Variants in ROBO1 observed in about 807,000 individuals in gnomAD.
ROBO1 encodes roundabout homolog 1.
ROBO1 carries 149 observed loss-of-function variants against 195.9 expected under a neutral mutation model. That is an observed-to-expected ratio of 0.76 (90% CI 0.67 to 0.87). ROBO1 has a LOEUF of 0.87. Ranked by LOEUF, ROBO1 falls within the 40% of genes least tolerant of loss-of-function variation. The probability of loss-of-function intolerance (pLI) is 0.00; values close to 1 mark genes in which losing one functional copy is unlikely to be tolerated. For missense variants in ROBO1, 1,933 were observed against 2,068.3 expected, an observed-to-expected ratio of 0.93 and a Z score of 1.27; for synonymous variants, 816 against 733.2, an observed-to-expected ratio of 1.11 and a Z score of -1.82.
intron 1 of ROBO1, among the ~76,000 whole-genome samples, chr3:79,616,910 C>G (rs758021756): frequency 1.3e-5 from 2 of 152,164 alleles, no homozygotes; most frequent in Non-Finnish European, 2.9e-5. Context: ...GGACTGCAGA[C>G]CAGCCACAGA....
chr3:79,074,796 A>G (rs1242784487), intron 3 of ROBO1, among the ~76,000 whole-genome samples: 4 of 151,776 alleles, frequency 2.6e-5, no homozygotes, highest in Admixed American at 6.6e-5. Flanking sequence ...TGTTTGGACT[A>G]AAAAATGTGT....
intron 4 of ROBO1, among the ~76,000 whole-genome samples, chr3:78,815,121 C>T (rs1202033640): frequency 1.3e-5 from 2 of 152,052 alleles, no homozygotes; most frequent in Admixed American, 6.6e-5. Flanking sequence ...TCTCCTTGGG[C>T]CTTCCTATTC....
At chr3:79,398,683 A>G (rs1156974183) in intron 2 of ROBO1, among the ~76,000 whole-genome samples, 1 of 152,142 alleles carries the variant, frequency 6.6e-6, no homozygotes, top group African/African-American at 2.4e-5. Context: ...GCAGTACATA[A>G]AGCTTCCCTG....
intron 21 of ROBO1, 68 bp from the exon 22 acceptor site, chr3:78,639,966 C>T: frequency 8.1e-7 from 1 of 1,230,018 alleles, no homozygotes; most frequent in Non-Finnish European, 1.1e-6. Context: ...ATTTAAAATT[C>T]CAATAAATTC....
intron 10 of ROBO1, among the ~76,000 whole-genome samples, chr3:78,677,596 A>G (rs202144963): frequency 6.6e-5 from 10 of 151,748 alleles, no homozygotes; most frequent in East Asian, 3.9e-4. Flanking sequence ...CATAATGGTA[A>G]AGGGATCAAT....
intron 29 of ROBO1, among the ~76,000 whole-genome samples, chr3:78,602,623 C>A (rs550482546): frequency 1.3e-5 from 2 of 152,076 alleles, no homozygotes; most frequent in Non-Finnish European, 2.9e-5. Flanking sequence ...GTATGCTTTG[C>A]GTGCTGATAT....
intron 4 of ROBO1, among the ~76,000 whole-genome samples, chr3:78,862,468 C>T (rs946727127): frequency 8.5e-5 from 13 of 152,274 alleles, no homozygotes; most frequent in African/African-American, 2.9e-4. Flanking sequence ...AAACACCCAG[C>T]TGAACCCGCT....
intron 2 of ROBO1, among the ~76,000 whole-genome samples, chr3:79,562,089 C>T (rs1436531899): frequency 6.6e-6 from 1 of 152,088 alleles, no homozygotes; most frequent in East Asian, 1.9e-4. Context: ...AGCAATTAAT[C>T]TTACTTTTTG....
chr3:79,627,820 T>G (rs973316926), intron 1 of ROBO1, among the ~76,000 whole-genome samples: 2 of 151,802 alleles, frequency 1.3e-5, no homozygotes, highest in African/African-American at 4.8e-5. Context: ...AGCAACCCCA[T>G]CAAAAAATGG....
intron 3 of ROBO1, among the ~76,000 whole-genome samples, chr3:79,020,417 C>A (rs921526889): frequency 1.3e-5 from 2 of 152,198 alleles, no homozygotes; most frequent in South Asian, 4.1e-4. Flanking sequence ...AGTGGCCAGG[C>A]GCTGTGGCTC....
Position 78,996,451 on chromosome 3 carries a change from G to T in ROBO1, c.173-57524C>A, listed in dbSNP as rs112264121. On this transcript the variant is annotated intron_variant, in intron 3 of 30. Transcript: ENST00000464233. ...AAACCTTTGTACTTATTTTACCCAT[G>T]AATTTCTGCATTTATTCTATCTAAC... Among the ~76,000 whole-genome samples, 687 of 151,854 alleles carry T rather than the reference G, an allele frequency of 4.5e-3. 9 individuals carry two copies. The highest frequency in any genetic ancestry group is 0.016 in the African/African-American group (642 of 41,384).
intron 5 of ROBO1, among the ~76,000 whole-genome samples, chr3:78,721,806 G>A (rs1332073818): frequency 6.6e-6 from 1 of 152,148 alleles, no homozygotes; most frequent in Non-Finnish European, 1.5e-5. Context: ...ACTTGGGAAT[G>A]TAGAGTTTTA....
chr3:78,694,049 T>C (rs997435072), intron 8 of ROBO1, among the ~76,000 whole-genome samples: 1 of 152,204 alleles, frequency 6.6e-6, no homozygotes, highest in East Asian at 1.9e-4. Context: ...TTAATTGAGA[T>C]GGTGCATAGA....
chr3:78,849,562 G>A (rs971794300), intron 4 of ROBO1, among the ~76,000 whole-genome samples: 1 of 151,950 alleles, frequency 6.6e-6, no homozygotes. Flanking sequence ...ACTAAGAAAA[G>A]TTGAAAATAA....
chr3:78,946,533 G>A (rs2040455983), intron 3 of ROBO1, among the ~76,000 whole-genome samples: 1 of 152,140 alleles, frequency 6.6e-6, no homozygotes, highest in Non-Finnish European at 1.5e-5. Flanking sequence ...CACTAAATGT[G>A]GAAAGGAACA....
intron 1 of ROBO1, among the ~76,000 whole-genome samples, chr3:79,764,416 A>C (rs1704874892): frequency 6.6e-6 from 1 of 152,248 alleles, no homozygotes; most frequent in Non-Finnish European, 1.5e-5. Flanking sequence ...TCTCAGAAAG[A>C]GGAAAATCAG....
intron 1 of ROBO1, among the ~76,000 whole-genome samples, chr3:79,590,229 G>T (rs1197865095): frequency 2.0e-5 from 3 of 151,708 alleles, no homozygotes; most frequent in African/African-American, 7.2e-5. Flanking sequence ...ATTTTTTAGA[G>T]GATGCCAGAT....
At chr3:79,557,139 T>A (rs927096215) in intron 2 of ROBO1, among the ~76,000 whole-genome samples, 1 of 151,866 alleles carries the variant, frequency 6.6e-6, no homozygotes, top group Admixed American at 6.6e-5. Context: ...TAAGCCATTT[T>A]ATTTTGTGTT....
intron 3 of ROBO1, among the ~76,000 whole-genome samples, chr3:79,106,046 A>G (rs936072719): frequency 9.2e-5 from 14 of 151,750 alleles, no homozygotes; most frequent in Admixed American, 7.3e-4. Context: ...CAAATTTAGT[A>G]TGGTAACAGA....
Sources: gnomAD v4.1 joint callset for allele counts (sites outside exome capture counted in the v4.1 genomes callset) on GRCh38, gnomAD v4.1.1 for gene constraint, MANE v1.5 for transcripts, NCBI Gene and HGNC (gene_info 2026-07-23, HGNC 2026-07-21) for gene names.